The following MCTP2 variants were observed in gnomAD, a reference collection of about 807,000 sequenced individuals.
The protein encoded by MCTP2 is multiple C2 and transmembrane domain-containing protein 2.
Under a neutral mutation model 111.6 loss-of-function variants are expected in MCTP2, and 132 were observed. That is an observed-to-expected ratio of 1.18 (90% CI 1.03 to 1.37). The LOEUF (loss-of-function observed/expected upper bound fraction) is 1.37. Among genes scored for constraint, MCTP2 ranks in the 40% most tolerant of loss-of-function variants. MCTP2 has a pLI of 0.00. For synonymous variants in MCTP2, 395 were observed against 387.7 expected (o/e 1.02, Z -0.22); for missense variants, 1,183 against 1,067.9 (o/e 1.11, Z -1.50).
chr15:94,344,046 C>T (rs1362196427), intron 7 of MCTP2: 8 of 148,852 alleles, frequency 5.4e-5, no homozygotes, highest in Non-Finnish European at 1.2e-4. Flanking sequence ...AAATATCTGT[C>T]ACTATTTCAG....
intron 8 of MCTP2, among the ~76,000 whole-genome samples, chr15:94,348,866 A>G (rs1260281267): frequency 6.6e-6 from 1 of 152,058 alleles, no homozygotes; most frequent in Non-Finnish European, 1.5e-5. Flanking sequence ...GCCCACTCCT[A>G]GTAACACCTG....
chr15:94,373,778 T>A (rs2079609074), intron 12 of MCTP2, among the ~76,000 whole-genome samples: 1 of 152,212 alleles, frequency 6.6e-6, no homozygotes, highest in Non-Finnish European at 1.5e-5. Flanking sequence ...TGTCAAATGT[T>A]TTTTAAAGAA....
chr15:94,446,846 C>G (rs2084147125), intron 19 of MCTP2, among the ~76,000 whole-genome samples: 1 of 152,104 alleles, frequency 6.6e-6, no homozygotes, highest in South Asian at 2.1e-4. Context: ...GTCACAATTG[C>G]CTGACAGTGT....
chr15:94,296,281 G>A (rs1471399209), intron 1 of MCTP2, among the ~76,000 whole-genome samples: 1 of 152,172 alleles, frequency 6.6e-6, no homozygotes. Context: ...TATTGCTAAC[G>A]TGAAATTCAA....
intron 12 of MCTP2, among the ~76,000 whole-genome samples, chr15:94,379,765 T>G (rs1567573417): frequency 6.8e-6 from 1 of 146,990 alleles, no homozygotes; most frequent in Admixed American, 6.9e-5. Flanking sequence ...ATATATAATA[T>G]ATGATATGTA....
At chr15:94,371,856 G>A (rs2079507535) in intron 12 of MCTP2, among the ~76,000 whole-genome samples, 1 of 152,054 alleles carries the variant, frequency 6.6e-6, no homozygotes, top group Non-Finnish European at 1.5e-5. Context: ...ACCTGGCTAA[G>A]GGAAACGCTT....
intron 10 of MCTP2, 69 bp from the exon 11 acceptor site, chr15:94,367,536 G>A (rs909931878): frequency 7.3e-6 from 9 of 1,229,286 alleles, no homozygotes; most frequent in Middle Eastern, 4.5e-4. Context: ...AAAGCCAGGT[G>A]CTTTGGAGGT....
chr15:94,358,876 A>C (rs2078771408), intron 10 of MCTP2, among the ~76,000 whole-genome samples: 1 of 152,234 alleles, frequency 6.6e-6, no homozygotes, highest in African/African-American at 2.4e-5. Context: ...ATCTCAGACT[A>C]TTCAAAACAT....
rs2072604673 is a variant in MCTP2, at chr15:94,253,947, GTTTAC to G, written c.-66+22287_-66+22291del. Among the ~76,000 whole-genome samples, 3 of 152,074 alleles carry G rather than the reference GTTTAC, an allele frequency of 2.0e-5. No individual in the cohort carries two copies. The South Asian group carries it at 6.2e-4, about 32-fold the overall frequency. The stretch of plus-strand genomic sequence containing the variant: ...GATCCTTGATGCTCCAGAGCACACT[GTTTAC>G]TTTCACTTTCAATGACTCTAATTTC... On this transcript the variant is annotated intron_variant, in intron 1 of 22. Transcript: ENST00000357742.
At chr15:94,379,070 G>GTTT (rs947050953) in intron 12 of MCTP2, among the ~76,000 whole-genome samples, 6 of 144,272 alleles carry the variant, frequency 4.2e-5, no homozygotes, top group African/African-American at 1.5e-4. Context: ...TTTGTTTTTT[G>GTTT]TTTTTTTTTT....
rs932989895 is a variant in MCTP2, at chr15:94,255,599, G to A, written c.-66+23935G>A. ...CATGCCTGTAGGCCAAGGAAGGGACGTTGCATCTCGTGAAGAATCCTGGGA... is the reference window on the plus strand; with the variant it reads ...CATGCCTGTAGGCCAAGGAAGGGACATTGCATCTCGTGAAGAATCCTGGGA... On this transcript the variant is annotated intron_variant, in intron 1 of 22. Transcript: ENST00000357742. 5.9e-5 allele frequency among the ~76,000 whole-genome samples: 9 copies of A among 152,266 alleles called. No individual in the cohort carries two copies. In the South Asian group the frequency reaches 1.5e-3, roughly 25 times the overall value.
At chr15:94,233,547 G>T (rs929069467) in intron 1 of MCTP2, among the ~76,000 whole-genome samples, 1 of 151,934 alleles carries the variant, frequency 6.6e-6, no homozygotes, top group African/African-American at 2.4e-5. Flanking sequence ...GATGATTAGC[G>T]GTCTCTTGTC....
chr15:94,407,663 T>A (rs1453504930), intron 17 of MCTP2, among the ~76,000 whole-genome samples: 1 of 152,116 alleles, frequency 6.6e-6, no homozygotes, highest in Non-Finnish European at 1.5e-5. Context: ...ATATAGAATT[T>A]TTAGCTTTTA....
chr15:94,245,354 ATG>A (rs202067059), intron 1 of MCTP2, among the ~76,000 whole-genome samples: 12,858 of 136,550 alleles, frequency 0.094, 657 homozygotes, highest in East Asian at 0.19. Flanking sequence ...TTACATACAT[ATG>A]TATATATATT....
In MCTP2 at chr15:94,298,519, C is replaced by T. The variant is rs2075381425; in HGVS notation, c.254C>T (p.Ala85Val). 2 of 1,613,984 alleles carry T rather than the reference C, an allele frequency of 1.2e-6. No individual in the cohort carries two copies. The highest frequency in any genetic ancestry group is 2.7e-5 in the African/African-American group (2 of 74,918). Reference sequence around the variant, plus strand: ...TCGGTGCCCAGCAGTCTGTCCACTGCAGGGATCTTTCCCAAGAGCAGCAGT... The same window carrying T: ...TCGGTGCCCAGCAGTCTGTCCACTGTAGGGATCTTTCCCAAGAGCAGCAGT... ...YTSVPSSLST[A>V]GIFPKSSSSS... The change falls in exon 2 of 23, where the codon GCA becomes GTA. Residue 85 changes from alanine (A) to valine (V), a missense_variant. Transcript: ENST00000357742.
intron 1 of MCTP2, among the ~76,000 whole-genome samples, chr15:94,297,719 A>T (rs1249847097): frequency 6.6e-6 from 1 of 152,192 alleles, no homozygotes; most frequent in Non-Finnish European, 1.5e-5. Context: ...AGAGTTGAGT[A>T]GTAGCGACAG....
At chr15:94,245,808 A>C (rs923286166) in intron 1 of MCTP2, among the ~76,000 whole-genome samples, 3 of 151,156 alleles carry the variant, frequency 2.0e-5, no homozygotes, top group Non-Finnish European at 4.4e-5. Flanking sequence ...TGGAGCACAT[A>C]CCTACATTTC....
At chr15:94,303,439 G>A (rs2075739683) in intron 2 of MCTP2, among the ~76,000 whole-genome samples, 1 of 151,766 alleles carries the variant, frequency 6.6e-6, no homozygotes, top group African/African-American at 2.4e-5. Flanking sequence ...ATTAAGGGTG[G>A]GTCTGCCTTT....
chr15:94,407,422 TA>T (rs1267442697), intron 17 of MCTP2, among the ~76,000 whole-genome samples: 1 of 152,208 alleles, frequency 6.6e-6, no homozygotes, highest in East Asian at 1.9e-4. Context: ...ATGTTTGATC[TA>T]AAAAGTAATC....
Sources: allele counts gnomAD v4.1 joint callset (sites outside exome capture counted in the v4.1 genomes callset), GRCh38; gene constraint gnomAD v4.1.1; transcripts MANE v1.5; gene names NCBI Gene and HGNC (gene_info 2026-07-23, HGNC 2026-07-21).